Variants in FSHR observed in about 807,000 individuals in gnomAD.
FSHR encodes the protein follicle-stimulating hormone receptor.
A neutral mutation model predicts 52.1 loss-of-function variants in FSHR; 46 were observed. The observed-to-expected ratio is 0.88, with a 90% CI of 0.70 to 1.13. The LOEUF (loss-of-function observed/expected upper bound fraction) is 1.13. Ranked by LOEUF, FSHR falls within the 50% of genes most tolerant of loss-of-function variation. FSHR has a pLI of 0.00. For missense variants in FSHR, 964 were observed against 834.6 expected, an observed-to-expected ratio of 1.16 and a Z score of -1.91; for synonymous variants, 399 against 309.6, an observed-to-expected ratio of 1.29 and a Z score of -3.03.
chr2:49,118,694 G>T (rs1448113640), intron 1 of FSHR, among the ~76,000 whole-genome samples: 1 of 152,050 alleles, frequency 6.6e-6, no homozygotes, highest in Non-Finnish European at 1.5e-5. Context: ...TTTCACCTAG[G>T]ACCTCATTAT....
chr2:48,963,329 A>C lies in FSHR; in HGVS notation c.1492T>G (p.Phe498Val). The change falls in exon 10 of 10, where the codon TTT (phenylalanine) becomes GTT (valine). Residue 498 changes from phenylalanine (F) to valine (V), a missense_variant. Transcript: ENST00000406846. ...SVMVMGWIFAFAAALFPIFGI... is the reference protein window; with the variant it reads ...SVMVMGWIFAVAAALFPIFGI... The stretch of plus-strand genomic sequence containing the variant: ...AAGATGGGAAAGAGGGCAGCTGCAA[A>C]AGCAAAAATCCAGCCCATCACCATG... 6.2e-7 allele frequency: 1 copy of C among 1,613,960 alleles called. No individual in the cohort carries two copies. Among genetic ancestry groups the C allele is most frequent in the Non-Finnish European group, 8.5e-7 (1 of 1,179,948 alleles).
intron 2 of FSHR, among the ~76,000 whole-genome samples, chr2:49,034,887 T>A (rs1668225765): frequency 6.6e-6 from 1 of 152,164 alleles, no homozygotes; most frequent in South Asian, 2.1e-4. Context: ...AGAAGGAGGG[T>A]GGCATTTAAC....
chr2:49,135,809 AAAT>A (rs1572794150), intron 1 of FSHR, among the ~76,000 whole-genome samples: 2 of 152,292 alleles, frequency 1.3e-5, no homozygotes, highest in East Asian at 3.9e-4. Flanking sequence ...AAGCTAGAGA[AAAT>A]AAAATATTAT....
chr2:48,998,179 A>G (rs1347790977), intron 4 of FSHR, among the ~76,000 whole-genome samples: 1 of 152,078 alleles, frequency 6.6e-6, no homozygotes, highest in Non-Finnish European at 1.5e-5. Flanking sequence ...TTTTTCTTTG[A>G]CAAATGGCTG....
At chr2:49,072,978 C>A (rs970080908) in intron 1 of FSHR, among the ~76,000 whole-genome samples, 8 of 151,980 alleles carry the variant, frequency 5.3e-5, no homozygotes, top group African/African-American at 1.9e-4. Context: ...TTAACAAATT[C>A]AAAAGGTATG....
chr2:49,028,739 A>C (rs564648213), intron 2 of FSHR, among the ~76,000 whole-genome samples: 79 of 152,302 alleles, frequency 5.2e-4, no homozygotes, highest in Non-Finnish European at 9.8e-4. Context: ...GCTTCTCCAT[A>C]CACTGTCTCC....
At chr2:49,025,151 C>T (rs1168015613) in intron 2 of FSHR, among the ~76,000 whole-genome samples, 3 of 152,148 alleles carry the variant, frequency 2.0e-5, no homozygotes. Context: ...ATTGTGTATT[C>T]GCACAGGAGG....
intron 2 of FSHR, among the ~76,000 whole-genome samples, chr2:49,067,851 C>T (rs1669565531): frequency 6.6e-6 from 1 of 151,906 alleles, no homozygotes; most frequent in African/African-American, 2.4e-5. Flanking sequence ...GATGTTAAGT[C>T]CTGCTGTCAA....
rs1558456983 is a variant in FSHR, at chr2:49,127,876, TCTTCTTCTTCTTCTTCTTC to T, written c.152+26371_152+26389del. ...TTCTTCTTCTTCTTCTTCTTCTTCT[TCTTCTTCTTCTTCTTCTTC>T]TTCTTTTTTTTTTTTGAGACGGAGT... On this transcript the variant is annotated intron_variant, in intron 1 of 9. Coordinates refer to ENST00000406846, the MANE Select transcript of FSHR (RefSeq NM_000145.4). Among the ~76,000 whole-genome samples the T allele has an allele frequency of 1.2e-3, 60 of 48,924 alleles. 7 individuals are homozygous for T. Among genetic ancestry groups the T allele is most frequent in the Admixed American group, 2.9e-3 (11 of 3,786 alleles). The allele number at this position is 48,924 out of a possible 152,430, so 32.1% of individuals were successfully genotyped here.
At chr2:49,111,359 C>T (rs533174297) in intron 1 of FSHR, among the ~76,000 whole-genome samples, 13 of 152,238 alleles carry the variant, frequency 8.5e-5, no homozygotes, top group South Asian at 2.1e-4. Flanking sequence ...CAGGTGTTTT[C>T]GCCTTTAAAA....
At chr2:48,995,354 G>C (rs1397759646) in intron 4 of FSHR, among the ~76,000 whole-genome samples, 1 of 152,076 alleles carries the variant, frequency 6.6e-6, no homozygotes, top group South Asian at 2.1e-4. Context: ...GAACAATATG[G>C]GCTGGAGTAG....
chr2:48,988,942 A>C, intron 6 of FSHR, 35 bp downstream of exon 6: 1 of 1,557,732 alleles, frequency 6.4e-7, no homozygotes, highest in Non-Finnish European at 8.9e-7. Flanking sequence ...GAAAAATCAA[A>C]TGTTACTCTG....
chr2:48,966,651 C>A (rs1211882664), intron 9 of FSHR, among the ~76,000 whole-genome samples: 1 of 152,114 alleles, frequency 6.6e-6, no homozygotes, highest in African/African-American at 2.4e-5. Flanking sequence ...CTATGATATA[C>A]AATGAAATGT....
Position 49,017,493 on chromosome 2 carries a change from A to AT in FSHR, c.369dup (p.Tyr124IlefsTer10). ...CCAAACTACATGAGTTCTTACAGATATTGAAGGTTGGGAAGGTTCTGGAAG... is the reference window on the plus strand; with the variant it reads ...CCAAACTACATGAGTTCTTACAGATATTTGAAGGTTGGGAAGGTTCTGGAAG... On this transcript the variant is annotated frameshift_variant, in exon 4 of 10. Transcript: ENST00000406846. LOFTEE classifies it high-confidence loss of function. 1.2e-6 allele frequency: 2 copies of AT among 1,611,000 alleles called. No homozygotes were observed. The highest frequency in any genetic ancestry group is 1.7e-6 in the Non-Finnish European group (2 of 1,177,474).
intron 1 of FSHR, among the ~76,000 whole-genome samples, chr2:49,088,285 G>A (rs925294680): frequency 6.6e-6 from 1 of 152,138 alleles, no homozygotes; most frequent in East Asian, 1.9e-4. Context: ...GAGCTTAGAT[G>A]TTTCTTTAAA....
At chr2:48,971,493 T>C (rs1347273195) in intron 8 of FSHR, among the ~76,000 whole-genome samples, 2 of 152,190 alleles carry the variant, frequency 1.3e-5, no homozygotes, top group Non-Finnish European at 2.9e-5. Context: ...CTATTGCCAA[T>C]CTCTGGACTA....
intron 1 of FSHR, among the ~76,000 whole-genome samples, chr2:49,080,739 C>T (rs1670135918): frequency 2.0e-5 from 3 of 152,198 alleles, no homozygotes; most frequent in Non-Finnish European, 1.5e-5. Context: ...CCTGAAGAAA[C>T]TGCCCCTCCC....
chr2:49,055,202 C>G (rs1433915952), intron 2 of FSHR, among the ~76,000 whole-genome samples: 4 of 151,670 alleles, frequency 2.6e-5, no homozygotes, highest in African/African-American at 9.7e-5. Context: ...AAGAGCCAAA[C>G]AGAAATCTTA....
chr2:48,981,290 A>G (rs987171080), intron 8 of FSHR, among the ~76,000 whole-genome samples: 1 of 152,168 alleles, frequency 6.6e-6, no homozygotes, highest in African/African-American at 2.4e-5. Flanking sequence ...CCCACCCCCA[A>G]TGAGAATATA....
Sources: allele counts gnomAD v4.1 joint callset (sites outside exome capture counted in the v4.1 genomes callset), GRCh38; gene constraint gnomAD v4.1.1; transcripts MANE v1.5; gene names NCBI Gene and HGNC (gene_info 2026-07-23, HGNC 2026-07-21).